Variants in NLGN1 observed in about 807,000 individuals in gnomAD.
NLGN1 encodes neuroligin 1.
Under a neutral mutation model 65.5 loss-of-function variants are expected in NLGN1, and 12 were observed. The observed-to-expected ratio is 0.18, with a 90% CI of 0.12 to 0.30. The LOEUF is 0.30. Ranked by LOEUF, NLGN1 falls within the 10% of genes least tolerant of loss-of-function variation. The pLI is 1.00. For missense variants in NLGN1, 750 were observed against 1,007.1 expected (o/e 0.74, Z 3.46); for synonymous variants, 350 against 359.5 (o/e 0.97, Z 0.30).
intron 4 of NLGN1, among the ~76,000 whole-genome samples, chr3:174,213,196 A>C (rs917931020): frequency 6.6e-6 from 1 of 152,162 alleles, no homozygotes; most frequent in African/African-American, 2.4e-5. Flanking sequence ...CCCTCTTTCA[A>C]AATAACTATG....
chr3:174,274,167 CTA>C (rs1561449569), intron 4 of NLGN1, among the ~76,000 whole-genome samples: 1 of 151,294 alleles, frequency 6.6e-6, no homozygotes, highest in Admixed American at 6.6e-5. Context: ...TAATAGGACT[CTA>C]AATATTTTCT....
intron 2 of NLGN1, among the ~76,000 whole-genome samples, chr3:173,539,725 C>CACATATATAACATATATGT (rs1560406953): frequency 8.3e-6 from 1 of 120,874 alleles, no homozygotes; most frequent in Non-Finnish European, 1.7e-5. Flanking sequence ...TGTACATATG[C>CACATATATAACATATATGT]ACATATATAC....
At chr3:173,494,140 TG>T (rs1729633427) in intron 2 of NLGN1, among the ~76,000 whole-genome samples, 1 of 150,490 alleles carries the variant, frequency 6.6e-6, no homozygotes, top group Non-Finnish European at 1.5e-5. Flanking sequence ...TGTGTGTGTG[TG>T]TGTGTGTGCG....
At chr3:174,266,404 C>G (rs978186558) in intron 4 of NLGN1, among the ~76,000 whole-genome samples, 10 of 152,136 alleles carry the variant, frequency 6.6e-5, no homozygotes, top group African/African-American at 2.4e-4. Flanking sequence ...TTTTTTATGG[C>G]TGCATATATT....
At chr3:174,181,353 G>A (rs1348949955) in intron 4 of NLGN1, among the ~76,000 whole-genome samples, 2 of 152,026 alleles carry the variant, frequency 1.3e-5, no homozygotes, top group Non-Finnish European at 2.9e-5. Flanking sequence ...CTCATTGTGG[G>A]AGTTCTGTCT....
intron 4 of NLGN1, among the ~76,000 whole-genome samples, chr3:173,944,126 TG>T (rs1560693254): frequency 9.9e-4 from 123 of 124,516 alleles, no homozygotes; most frequent in African/African-American, 3.1e-3. Flanking sequence ...ATATTATGGG[TG>T]TGTGTGTGTG....
At chr3:173,457,771 G>T (rs1480003767) in intron 2 of NLGN1, among the ~76,000 whole-genome samples, 1 of 152,052 alleles carries the variant, frequency 6.6e-6, no homozygotes, top group Admixed American at 6.6e-5. Flanking sequence ...ATATGAGGAG[G>T]TGGAGATGAT....
At chr3:173,472,848 C>T (rs981873881) in intron 2 of NLGN1, among the ~76,000 whole-genome samples, 1 of 152,056 alleles carries the variant, frequency 6.6e-6, no homozygotes, top group African/African-American at 2.4e-5. Context: ...TGACTCAACC[C>T]TGAGTGTTTG....
intron 2 of NLGN1, among the ~76,000 whole-genome samples, chr3:173,540,089 G>A (rs1738578669): frequency 6.6e-6 from 1 of 151,940 alleles, no homozygotes; most frequent in African/African-American, 2.4e-5. Flanking sequence ...CGAAGGCCCA[G>A]TAGCAGGCCC....
intron 3 of NLGN1, among the ~76,000 whole-genome samples, chr3:173,643,516 A>G (rs548998493): frequency 3.0e-4 from 46 of 152,198 alleles, no homozygotes; most frequent in Non-Finnish European, 6.0e-4. Context: ...AGGGTGAGCA[A>G]AGTACTTCAA....
intron 4 of NLGN1, among the ~76,000 whole-genome samples, chr3:173,931,949 G>A (rs530409116): frequency 3.3e-5 from 5 of 152,164 alleles, no homozygotes; most frequent in Admixed American, 6.5e-5. Context: ...TGAGAGATGC[G>A]TCAGAAAAAA....
At chr3:173,910,865 G>A (rs1739447586) in intron 4 of NLGN1, 1 of 152,146 alleles carries the variant, frequency 6.6e-6, no homozygotes, top group Admixed American at 6.5e-5. Flanking sequence ...AAATGGGTAT[G>A]ATAACTATAT....
At chr3:173,846,904 C>T (rs931593560) in intron 4 of NLGN1, among the ~76,000 whole-genome samples, 6 of 152,134 alleles carry the variant, frequency 3.9e-5, no homozygotes, top group African/African-American at 1.4e-4. Flanking sequence ...AGTGGACAAG[C>T]ATTGTGTTTA....
At chr3:173,597,308 A>G (rs1749643189) in intron 2 of NLGN1, among the ~76,000 whole-genome samples, 1 of 152,192 alleles carries the variant, frequency 6.6e-6, no homozygotes, top group Non-Finnish European at 1.5e-5. Context: ...ACTTTCACCC[A>G]CATTTTTCTC....
chr3:173,916,670 A>G (rs575318856), intron 4 of NLGN1, among the ~76,000 whole-genome samples: 2 of 152,254 alleles, frequency 1.3e-5, no homozygotes, highest in South Asian at 4.1e-4. Context: ...TTATACAAAC[A>G]ACATGAAAAT....
At chr3:173,778,976 TATA>T (rs1780727164) in intron 3 of NLGN1, among the ~76,000 whole-genome samples, 1 of 151,492 alleles carries the variant, frequency 6.6e-6, no homozygotes, top group Non-Finnish European at 1.5e-5. Flanking sequence ...GTATTCCTGG[TATA>T]ATAAACAAGA....
chr3:173,608,074 G>C (rs1751667560), intron 3 of NLGN1, among the ~76,000 whole-genome samples: 1 of 151,692 alleles, frequency 6.6e-6, no homozygotes, highest in Non-Finnish European at 1.5e-5. Flanking sequence ...ACTTTACAAA[G>C]AGCAAAGTAT....
At chr3:173,958,046 C>T (rs576533575) in intron 4 of NLGN1, among the ~76,000 whole-genome samples, 21 of 152,300 alleles carry the variant, frequency 1.4e-4, no homozygotes, top group African/African-American at 5.1e-4. Flanking sequence ...ACAGTTGGCA[C>T]CAGAAGCTTG....
chr3:173,977,062 T>C (rs1717625033), intron 4 of NLGN1, among the ~76,000 whole-genome samples: 1 of 151,660 alleles, frequency 6.6e-6, no homozygotes, highest in African/African-American at 2.4e-5. Context: ...GTACTTCTTT[T>C]ATAAAGACTA....
Sources: allele counts gnomAD v4.1 joint callset (sites outside exome capture counted in the v4.1 genomes callset), GRCh38; gene constraint gnomAD v4.1.1; transcripts MANE v1.5; gene names NCBI Gene and HGNC (gene_info 2026-07-23, HGNC 2026-07-21).